The following TLN2 variants were observed in gnomAD, a reference collection of about 807,000 sequenced individuals.
TLN2 encodes talin 2, also known as talin-2.
A neutral mutation model predicts 294.7 loss-of-function variants in TLN2; 118 were observed. The observed-to-expected ratio is 0.40, with a 90% CI of 0.34 to 0.47. TLN2 has a LOEUF of 0.47. Ranked by LOEUF, TLN2 falls within the 20% of genes least tolerant of loss-of-function variation. TLN2 has a pLI of 0.84. For synonymous variants in TLN2, 1,431 were observed against 1,304.5 expected, an observed-to-expected ratio of 1.10 and a Z score of -2.09; for missense variants, 3,083 against 3,282.2, an observed-to-expected ratio of 0.94 and a Z score of 1.48.
chr15:62,756,291 G>A (rs1421511588), intron 37 of TLN2, among the ~76,000 whole-genome samples: 1 of 152,196 alleles, frequency 6.6e-6, no homozygotes, highest in African/African-American at 2.4e-5. Flanking sequence ...TAAGGTATAT[G>A]GGCATGTGGC....
intron 1 of TLN2, among the ~76,000 whole-genome samples, chr15:62,534,279 G>C (rs1579581): frequency 0.19 from 28,607 of 152,094 alleles, 3,227 homozygotes; most frequent in East Asian, 0.56. Flanking sequence ...GTTGATGGCT[G>C]AGTCCCACAA....
intron 1 of TLN2, among the ~76,000 whole-genome samples, chr15:62,521,800 G>A (rs1352723379): frequency 6.6e-6 from 1 of 152,178 alleles, no homozygotes. Context: ...TCCCATGAAA[G>A]ATGGTTTTGC....
chr15:62,551,549 A>ACACACAC (rs1411777070), intron 1 of TLN2, among the ~76,000 whole-genome samples: 2 of 130,864 alleles, frequency 1.5e-5, no homozygotes, highest in Non-Finnish European at 3.3e-5. Flanking sequence ...CACACACACA[A>ACACACAC]ATAGCCAGAT....
At chr15:62,751,805 A>C (rs1486675173) in intron 34 of TLN2, among the ~76,000 whole-genome samples, 1 of 152,258 alleles carries the variant, frequency 6.6e-6, no homozygotes, top group East Asian at 1.9e-4. Context: ...CTCTGAAGAA[A>C]GAATACACCA....
intron 1 of TLN2, among the ~76,000 whole-genome samples, chr15:62,407,214 C>T (rs1489396787): frequency 6.6e-6 from 1 of 152,110 alleles, no homozygotes; most frequent in Non-Finnish European, 1.5e-5. Context: ...ACATTGATTA[C>T]TATCATAATC....
intron 12 of TLN2, among the ~76,000 whole-genome samples, chr15:62,690,094 G>C (rs1595669028): frequency 8.8e-6 from 1 of 113,340 alleles, no homozygotes; most frequent in Non-Finnish European, 1.8e-5. Context: ...GCCGGGCGGG[G>C]GGCTGACCCC....
chr15:62,800,135 C>G (rs2271801), intron 48 of TLN2, among the ~76,000 whole-genome samples: 14,259 of 152,266 alleles, frequency 0.094, 901 homozygotes, highest in East Asian at 0.19. Flanking sequence ...ATGTTTGCAC[C>G]TGACTTCTCC....
chr15:62,573,568 G>C (rs927880084), intron 1 of TLN2, among the ~76,000 whole-genome samples: 4 of 152,094 alleles, frequency 2.6e-5, no homozygotes, highest in East Asian at 3.9e-4. Context: ...CAGGGGTCCC[G>C]TGGGGCCATG....
chr15:62,833,497 G>A lies in TLN2; in HGVS notation c.7003-7G>A, dbSNP rs746651132. On this transcript the variant is annotated splice_polypyrimidine_tract_variant and splice_region_variant and intron_variant, in intron 54 of 58. Coordinates refer to ENST00000636159, the MANE Select transcript of TLN2 (RefSeq NM_015059.3). ...TTGAATGTGATGCTGTTTTCTTTTG[G>A]TTATAGCAAGCGGATGAGACCCTGG... The A allele has an allele frequency of 1.2e-6, 2 of 1,613,160 alleles. No homozygotes were observed. Among genetic ancestry groups the A allele is most frequent in the Non-Finnish European group, 1.7e-6 (2 of 1,179,530 alleles).
chr15:62,462,073 C>G (rs1017252233), intron 1 of TLN2, among the ~76,000 whole-genome samples: 1 of 151,910 alleles, frequency 6.6e-6, no homozygotes, highest in Non-Finnish European at 1.5e-5. Context: ...ATACAAAATA[C>G]AAAATACAAA....
intron 1 of TLN2, among the ~76,000 whole-genome samples, chr15:62,408,139 A>G (rs1292548138): frequency 1.3e-5 from 2 of 152,030 alleles, no homozygotes; most frequent in East Asian, 1.9e-4. Flanking sequence ...TTTCTGTGCT[A>G]CACAGATGTA....
chr15:62,712,073 C>T lies in TLN2; in HGVS notation c.2630C>T (p.Ala877Val). The T allele has an allele frequency of 6.2e-7, 1 of 1,613,786 alleles. No individual in the cohort carries two copies. Among genetic ancestry groups the T allele is most frequent in the Non-Finnish European group, 8.5e-7 (1 of 1,179,780 alleles). ...TCCACTGCTCGCATGGTGGAAGCTG[C>T]AAAGGTATTCTACTGGATTTGTTTG... ...ADSTARMVEAAKGAAANPENE... is the reference protein window; with the variant it reads ...ADSTARMVEAVKGAAANPENE... The change falls in exon 22 of 59, where the codon GCA becomes GTA. Residue 877 changes from alanine to valine, a missense_variant. Ala to Val is a moderately conservative substitution (Grantham distance 64). Coordinates refer to ENST00000636159, the MANE Select transcript of TLN2 (RefSeq NM_015059.3).
intron 2 of TLN2, among the ~76,000 whole-genome samples, chr15:62,602,419 T>G (rs1172206851): frequency 6.6e-6 from 1 of 152,234 alleles, no homozygotes; most frequent in African/African-American, 2.4e-5. Context: ...TTATTTTATG[T>G]TTTTAGAGGT....
intron 2 of TLN2, among the ~76,000 whole-genome samples, chr15:62,607,628 T>C (rs1366170954): frequency 6.6e-6 from 1 of 152,178 alleles, no homozygotes; most frequent in Non-Finnish European, 1.5e-5. Context: ...CCAAGTGAGT[T>C]TCTGTAGAAG....
chr15:62,554,137 C>T (rs1029897811), intron 1 of TLN2, among the ~76,000 whole-genome samples: 3 of 151,824 alleles, frequency 2.0e-5, no homozygotes, highest in African/African-American at 4.8e-5. Flanking sequence ...ATTATTACAA[C>T]AGTTGTTTCT....
intron 3 of TLN2, among the ~76,000 whole-genome samples, chr15:62,625,024 ATTG>A (rs1158293580): frequency 6.6e-6 from 1 of 152,010 alleles, no homozygotes; most frequent in Non-Finnish European, 1.5e-5. Context: ...TGAAGGGAAT[ATTG>A]TTGTGCTTTC....
At chr15:62,660,661 G>A (rs2053711425) in intron 9 of TLN2, among the ~76,000 whole-genome samples, 1 of 152,218 alleles carries the variant, frequency 6.6e-6, no homozygotes, top group Admixed American at 6.5e-5. Flanking sequence ...GCCATGTGAT[G>A]TGGAATTTTG....
intron 1 of TLN2, among the ~76,000 whole-genome samples, chr15:62,487,192 A>ATCTCT (rs1444808745): frequency 6.6e-6 from 1 of 152,068 alleles, no homozygotes; most frequent in African/African-American, 2.4e-5. Context: ...TTCCTTGTGA[A>ATCTCT]TCTCTTCTCT....
chr15:62,405,646 A>T (rs2033351382), intron 1 of TLN2, among the ~76,000 whole-genome samples: 1 of 152,046 alleles, frequency 6.6e-6, no homozygotes, highest in African/African-American at 2.4e-5. Context: ...AGTCCTCTTG[A>T]TTAGGGTCCC....
Sources: allele counts gnomAD v4.1 joint callset (sites outside exome capture counted in the v4.1 genomes callset), GRCh38; gene constraint gnomAD v4.1.1; transcripts MANE v1.5; gene names NCBI Gene and HGNC (gene_info 2026-07-23, HGNC 2026-07-21).